Variants in CTNNA2 observed in about 807,000 individuals in gnomAD.
CTNNA2 encodes the protein catenin alpha 2, also known as catenin alpha-2.
Under a neutral mutation model 101.0 loss-of-function variants are expected in CTNNA2, and 42 were observed. That is an observed-to-expected ratio of 0.42 (90% CI 0.32 to 0.54). The LOEUF is 0.54. CTNNA2 is among the 20% of genes least tolerant of loss of function. CTNNA2 has a pLI of 0.14. For missense variants in CTNNA2, 871 were observed against 1,223.1 expected (o/e 0.71, Z 4.29); for synonymous variants, 450 against 456.4 (o/e 0.99, Z 0.18).
chr2:80,572,870 C>T (rs1270991294), intron 12 of CTNNA2: 1 of 152,190 alleles, frequency 6.6e-6, no homozygotes, highest in Non-Finnish European at 1.5e-5. Flanking sequence ...TCGGTAATTT[C>T]TACTAAAGTG....
At chr2:79,314,141 C>G (rs1312103033) in intron 3 of CTNNA2, among the ~76,000 whole-genome samples, 1 of 152,138 alleles carries the variant, frequency 6.6e-6, no homozygotes, top group South Asian at 2.1e-4. Flanking sequence ...CTCAGCCACT[C>G]CTGTCTCCCT....
chr2:79,521,822 A>G (rs1407447253), intron 1 of CTNNA2, among the ~76,000 whole-genome samples: 1 of 152,156 alleles, frequency 6.6e-6, no homozygotes, highest in Non-Finnish European at 1.5e-5. Context: ...ACGTGGCACA[A>G]GAAGGAGAAA....
At chr2:79,578,056 T>A (rs1490613588) in intron 1 of CTNNA2, among the ~76,000 whole-genome samples, 2 of 152,186 alleles carry the variant, frequency 1.3e-5, no homozygotes, top group Non-Finnish European at 2.9e-5. Flanking sequence ...GATTCTTATG[T>A]GGAATAGTGG....
intron 4 of CTNNA2, among the ~76,000 whole-genome samples, chr2:79,481,819 C>T (rs180929935): frequency 4.4e-4 from 67 of 152,112 alleles, no homozygotes; most frequent in East Asian, 1.7e-3. Context: ...AGAAGACAGA[C>T]GGAAGATGTG....
chr2:79,314,706 A>G (rs1052898191), intron 3 of CTNNA2, among the ~76,000 whole-genome samples: 8 of 152,194 alleles, frequency 5.3e-5, no homozygotes, highest in Non-Finnish European at 1.0e-4. Flanking sequence ...TTGGGGCCCC[A>G]TTTTGGCTCA....
At chr2:79,278,883 T>G (rs1327137494) in intron 2 of CTNNA2, among the ~76,000 whole-genome samples, 4 of 152,092 alleles carry the variant, frequency 2.6e-5, no homozygotes, top group Admixed American at 6.6e-5. Context: ...CAGTATGGCA[T>G]AGAGAATGTA....
At chr2:79,193,430 A>C (rs1404466922) in intron 1 of CTNNA2, among the ~76,000 whole-genome samples, 1 of 152,220 alleles carries the variant, frequency 6.6e-6, no homozygotes, top group Non-Finnish European at 1.5e-5. Flanking sequence ...TCCGTACAAT[A>C]ACATACTATA....
intron 4 of CTNNA2, among the ~76,000 whole-genome samples, chr2:79,462,725 G>A (rs1045311171): frequency 6.6e-6 from 1 of 152,188 alleles, no homozygotes; most frequent in Non-Finnish European, 1.5e-5. Flanking sequence ...GTACCTTCTA[G>A]CAGCAAGTTC....
intron 9 of CTNNA2, among the ~76,000 whole-genome samples, chr2:80,437,546 C>T (rs1381301382): frequency 6.6e-6 from 1 of 152,166 alleles, no homozygotes; most frequent in East Asian, 1.9e-4. Context: ...TCCAGAAATG[C>T]ATAATTACTA....
chr2:80,328,458 G>T (rs539976664), intron 7 of CTNNA2: 6 of 456,056 alleles, frequency 1.3e-5, no homozygotes, highest in Admixed American at 4.8e-5. Context: ...GTGTAGAGGG[G>T]AATAGATTTG....
chr2:80,204,485 T>G (rs374406308), intron 7 of CTNNA2, among the ~76,000 whole-genome samples: 1 of 152,350 alleles, frequency 6.6e-6, no homozygotes, highest in Non-Finnish European at 1.5e-5. Flanking sequence ...CACCAGTCTC[T>G]TTGCTAAAAC....
intron 7 of CTNNA2, among the ~76,000 whole-genome samples, chr2:79,999,894 A>G (rs1335831381): frequency 6.6e-6 from 1 of 152,176 alleles, no homozygotes; most frequent in Non-Finnish European, 1.5e-5. Flanking sequence ...TGACGTGTTC[A>G]TGGTTGTTTT....
chr2:80,273,748 C>T (rs1227372234), intron 7 of CTNNA2, among the ~76,000 whole-genome samples: 1 of 152,090 alleles, frequency 6.6e-6, no homozygotes, highest in Non-Finnish European at 1.5e-5. Context: ...GTTTGCTTTG[C>T]TTCTTTGGTT....
At chr2:80,639,984 C>G (rs1673289141) in intron 18 of CTNNA2, among the ~76,000 whole-genome samples, 5 of 151,976 alleles carry the variant, frequency 3.3e-5, no homozygotes, top group Admixed American at 3.3e-4. Context: ...CATCTGTAAT[C>G]CCAGCTACTC....
At chr2:79,794,919 C>T (rs776989887) in intron 3 of CTNNA2, among the ~76,000 whole-genome samples, 3 of 152,080 alleles carry the variant, frequency 2.0e-5, no homozygotes, top group Admixed American at 1.3e-4. Flanking sequence ...TGTCCTATAC[C>T]GGAACAGGAT....
At chr2:80,579,680 A>G (rs1695360420) in intron 13 of CTNNA2, among the ~76,000 whole-genome samples, 1 of 152,184 alleles carries the variant, frequency 6.6e-6, no homozygotes, top group Non-Finnish European at 1.5e-5. Context: ...GAATGTTAAT[A>G]AGGTTGATGG....
Position 80,601,417 on chromosome 2 carries a change from C to CTTTTTTTTTTTTTTTTTTTTTTTTTT in CTNNA2, c.2190-2654_2190-2653insTTTTTTTTTTTTTTTTTTTTTTTTTT, listed in dbSNP as rs375645223. On this transcript the variant is annotated intron_variant, in intron 15 of 18. Transcript: ENST00000402739. ...GATTTAATGACTTTTTTCTTTCTTTCTTTCTTTTTTTTTTTTTTTGATGAG... is the reference window on the plus strand; with the variant it reads ...GATTTAATGACTTTTTTCTTTCTTTCTTTTTTTTTTTTTTTTTTTTTTTTTTTTTCTTTTTTTTTTTTTTTGATGAG... 4.2e-4 allele frequency among the ~76,000 whole-genome samples: 40 copies of CTTTTTTTTTTTTTTTTTTTTTTTTTT among 94,178 alleles called. 4 individuals carry two copies. The highest frequency in any genetic ancestry group is 1.6e-3 in the South Asian group (5 of 3,094). The allele number at this position is 94,178 out of a possible 152,430, so 61.8% of individuals were successfully genotyped here. A position where few individuals can be genotyped will look rare whatever the true frequency, so the allele number is the denominator to read the frequency against.
intron 9 of CTNNA2, among the ~76,000 whole-genome samples, chr2:80,512,962 T>A (rs1027590988): frequency 2.0e-5 from 3 of 152,140 alleles, no homozygotes; most frequent in African/African-American, 7.2e-5. Context: ...TACAACTGAT[T>A]TCCTCTATGC....
At chr2:79,655,139 G>C (rs1681522705) in intron 2 of CTNNA2, among the ~76,000 whole-genome samples, 1 of 152,122 alleles carries the variant, frequency 6.6e-6, no homozygotes, top group South Asian at 2.1e-4. Context: ...AGATATGTTG[G>C]AGTCAGAACA....
Sources: allele counts gnomAD v4.1 joint callset (sites outside exome capture counted in the v4.1 genomes callset), GRCh38; gene constraint gnomAD v4.1.1; transcripts MANE v1.5; gene names NCBI Gene and HGNC (gene_info 2026-07-23, HGNC 2026-07-21).